SOHLH2: variants seen among roughly 807,000 people sequenced by gnomAD.
SOHLH2 encodes spermatogenesis- and oogenesis-specific basic helix-loop-helix-containing protein 2.
SOHLH2 carries 22 observed loss-of-function variants against 50.4 expected under a neutral mutation model. The ratio of observed to expected loss-of-function variants is 0.44; its 90% confidence interval spans 0.31 to 0.62. The LOEUF (loss-of-function observed/expected upper bound fraction) is 0.62. Among genes scored for constraint, SOHLH2 ranks in the 20% least tolerant of loss-of-function variants. The pLI is 0.08. For missense variants in SOHLH2, 412 were observed against 504.4 expected (o/e 0.82, Z 1.76); for synonymous variants, 185 against 187.3 (o/e 0.99, Z 0.10).
At chr13:36,211,137 C>CA (rs1448213022) in intron 1 of SOHLH2, among the ~76,000 whole-genome samples, 1 of 152,066 alleles carries the variant, frequency 6.6e-6, no homozygotes, top group Non-Finnish European at 1.5e-5. Context: ...TATGAATGCC[C>CA]AAAAATAACC....
chr13:36,178,239 G>A (rs1265765285), intron 6 of SOHLH2, among the ~76,000 whole-genome samples: 1 of 152,036 alleles, frequency 6.6e-6, no homozygotes, highest in Non-Finnish European at 1.5e-5. Context: ...CATCCTAGAA[G>A]CTCTATAATT....
Position 36,173,740 on chromosome 13 carries a change from C to A in SOHLH2, c.952G>T (p.Gly318Trp). ...LQFLTNTCWN[G>W]CSTPDAESSL... ...CTCTCTGCATCAGGAGTGGAGCACC[C>A]ATTCCAGCACGTATTAGTCAGGAAT... The change falls in exon 9 of 11, where the codon GGG becomes TGG. Residue 318 changes from glycine to tryptophan, a missense_variant. Coordinates refer to ENST00000379881, the MANE Select transcript of SOHLH2 (RefSeq NM_017826.3). The A allele has an allele frequency of 3.7e-6, 6 of 1,613,838 alleles. No individual in the cohort carries two copies. The highest frequency in any genetic ancestry group is 5.1e-6 in the Non-Finnish European group (6 of 1,180,000).
intron 6 of SOHLH2, among the ~76,000 whole-genome samples, chr13:36,176,038 G>A (rs2138271383): frequency 6.6e-6 from 1 of 152,232 alleles, no homozygotes; most frequent in South Asian, 2.1e-4. Flanking sequence ...TAACATAGGA[G>A]GATGCCTTAA....
intron 10 of SOHLH2, 136 bp from the exon 11 acceptor site, chr13:36,169,190 G>C (rs1018162996): frequency 1.6e-6 from 2 of 1,288,966 alleles, no homozygotes; most frequent in Non-Finnish European, 2.0e-6. Context: ...AGGTGAATAA[G>C]CTTACAGGTT....
chr13:36,169,184 G>A (rs1886896365), intron 10 of SOHLH2, 130 bp from the exon 11 acceptor site: 1 of 1,329,386 alleles, frequency 7.5e-7, no homozygotes, highest in Non-Finnish European at 9.8e-7. Flanking sequence ...ATCCTCAGGT[G>A]AATAAGCTTA....
At chr13:36,194,040 G>C in intron 2 of SOHLH2, among the ~76,000 whole-genome samples, 173 bp from the exon 3 acceptor site, 1 of 150,768 alleles carries the variant, frequency 6.6e-6, no homozygotes, top group Non-Finnish European at 1.5e-5. Context: ...AATCAGTGAG[G>C]AAAGAGATGA....
chr13:36,183,683 T>A (rs1399653209), intron 6 of SOHLH2, among the ~76,000 whole-genome samples: 1 of 152,078 alleles, frequency 6.6e-6, no homozygotes, highest in African/African-American at 2.4e-5. Context: ...TTCAACGACA[T>A]GCTATTTACA....
chr13:36,168,967 C>A lies in SOHLH2; in HGVS notation c.*67G>T. 6.4e-7 allele frequency: 1 copy of A among 1,565,324 alleles called. No homozygotes were observed. Among genetic ancestry groups the A allele is most frequent in the Non-Finnish European group, 8.6e-7 (1 of 1,160,310 alleles). On this transcript the variant is annotated 3_prime_UTR_variant, in exon 11 of 11. Transcript: ENST00000379881. ...GAGCTTTCAAAATCATTCTTTGTTC[C>A]ACTTTTCCTAGATTGTCAAACTGCG... is the stretch of plus-strand genomic sequence containing the variant.
At chr13:36,192,790 C>T (rs987641346) in intron 4 of SOHLH2, among the ~76,000 whole-genome samples, 8 of 151,948 alleles carry the variant, frequency 5.3e-5, no homozygotes, top group Admixed American at 2.0e-4. Context: ...GATGAGAACA[C>T]GTAAGATCTA....
intron 4 of SOHLH2, among the ~76,000 whole-genome samples, chr13:36,192,756 C>A (rs563670317): frequency 5.3e-5 from 8 of 152,260 alleles, no homozygotes; most frequent in African/African-American, 1.9e-4. Flanking sequence ...ATATCTATCA[C>A]GTCACATCGT....
chr13:36,193,638 G>A lies in SOHLH2; in HGVS notation c.413C>T (p.Thr138Ile). 2 of 1,606,312 alleles carry A rather than the reference G, an allele frequency of 1.2e-6. No homozygotes were observed. The highest frequency in any genetic ancestry group is 8.5e-7 in the Non-Finnish European group (1 of 1,178,154). ...TTACTCACCAGTGTTTGAGGGACATGTTGTCCAGTATTTTACCACATTACT... is the reference window on the plus strand; with the variant it reads ...TTACTCACCAGTGTTTGAGGGACATATTGTCCAGTATTTTACCACATTACT... ...KMSNVVKYWT[T>I]CPSNTVKTEN... The change falls in exon 4 of 11, where the codon ACA becomes ATA. Residue 138 changes from threonine (T) to isoleucine (I), a missense_variant. Thr to Ile is a moderately conservative substitution (Grantham distance 89, BLOSUM62 -1). Coordinates refer to ENST00000379881, the MANE Select transcript of SOHLH2 (RefSeq NM_017826.3).
chr13:36,179,395 T>A (rs1593938575), intron 6 of SOHLH2, among the ~76,000 whole-genome samples: 1 of 152,192 alleles, frequency 6.6e-6, no homozygotes, highest in Admixed American at 6.5e-5. Context: ...ATTCTGTTAA[T>A]GTGGTGAATT....
chr13:36,198,208 G>A (rs888047432), intron 2 of SOHLH2, among the ~76,000 whole-genome samples: 1 of 152,178 alleles, frequency 6.6e-6, no homozygotes, highest in African/African-American at 2.4e-5. Flanking sequence ...TTGCTAAACT[G>A]CTCTGAGCTC....
At chr13:36,195,319 C>T (rs1887692418) in intron 2 of SOHLH2, among the ~76,000 whole-genome samples, 1 of 152,096 alleles carries the variant, frequency 6.6e-6, no homozygotes, top group South Asian at 2.1e-4. Context: ...ACAGAACACT[C>T]TGGGCAAAAG....
At chr13:36,187,209 C>G (rs1372698440) in intron 6 of SOHLH2, among the ~76,000 whole-genome samples, 1 of 151,972 alleles carries the variant, frequency 6.6e-6, no homozygotes, top group Non-Finnish European at 1.5e-5. Context: ...TTTTCATCAA[C>G]CATTAAAATT....
intron 5 of SOHLH2, 146 bp from the exon 6 acceptor site, chr13:36,190,202 T>A: frequency 1.8e-6 from 1 of 549,628 alleles, no homozygotes; most frequent in Non-Finnish European, 2.9e-6. Flanking sequence ...AAACACCATA[T>A]CTTAGACATT....
At chr13:36,203,521 A>C (rs1868555890) in intron 1 of SOHLH2, among the ~76,000 whole-genome samples, 1 of 152,198 alleles carries the variant, frequency 6.6e-6, no homozygotes, top group African/African-American at 2.4e-5. Context: ...ACATTTATAA[A>C]TACATCTGTG....
At position 36,170,581 on chromosome 13, in the gene SOHLH2, G is replaced by C; in HGVS notation, c.1207C>G (p.His403Asp). 3 of 1,614,164 alleles carry C rather than the reference G, an allele frequency of 1.9e-6. No homozygotes were observed. The highest frequency in any genetic ancestry group is 2.5e-6 in the Non-Finnish European group (3 of 1,180,020). ...MPPVSKLLPR[H>D]CTSGLGQTCT... Reference sequence around the variant, plus strand: ...GTCTGGCCCAACCCAGAAGTGCAGTGCCGAGGGAGAAGCTTTGAGACCGGG... The same window carrying C: ...GTCTGGCCCAACCCAGAAGTGCAGTCCCGAGGGAGAAGCTTTGAGACCGGG... Residue 403 changes from histidine (H) to aspartate (D), a missense_variant, in exon 10 of 11, where the codon CAC (histidine) becomes GAC (aspartate). Physicochemically the swap from His to Asp is moderately conservative, Grantham distance 81. Coordinates refer to ENST00000379881, the MANE Select transcript of SOHLH2 (RefSeq NM_017826.3).
At chr13:36,179,227 T>C (rs1409007945) in intron 6 of SOHLH2, among the ~76,000 whole-genome samples, 7 of 152,228 alleles carry the variant, frequency 4.6e-5, no homozygotes, top group Non-Finnish European at 1.0e-4. Flanking sequence ...CTAAGTACAA[T>C]GTTAGTTATA....
Sources: allele counts gnomAD v4.1 joint callset (sites outside exome capture counted in the v4.1 genomes callset), GRCh38; gene constraint gnomAD v4.1.1; transcripts MANE v1.5; gene names NCBI Gene and HGNC (gene_info 2026-07-23, HGNC 2026-07-21).